Variants in DLG1 observed in about 807,000 individuals in gnomAD.
DLG1 encodes the protein discs large MAGUK scaffold protein 1, also known as disks large homolog 1.
In DLG1, 42 loss-of-function variants were observed where a neutral mutation model predicts 123.4. That is an observed-to-expected ratio of 0.34 (90% confidence interval 0.27 to 0.44). The LOEUF is 0.44. Ranked by LOEUF, DLG1 falls within the 20% of genes least tolerant of loss-of-function variation. DLG1 has a pLI of 1.00. For missense variants in DLG1, 942 were observed against 1,082.6 expected, an observed-to-expected ratio of 0.87 and a Z score of 1.82; for synonymous variants, 317 against 356.2, an observed-to-expected ratio of 0.89 and a Z score of 1.24.
chr3:197,159,686 C>T (rs535575916), intron 5 of DLG1, among the ~76,000 whole-genome samples: 1 of 152,260 alleles, frequency 6.6e-6, no homozygotes, highest in Non-Finnish European at 1.5e-5. Flanking sequence ...ACACATTGTA[C>T]TTCACTAATT....
rs141108244 is a variant in DLG1, at chr3:197,206,225, C to T, written c.319-11636G>A. Among the ~76,000 whole-genome samples, 340 of 152,238 alleles carry T rather than the reference C, an allele frequency of 2.2e-3. 3 individuals carry two copies. The highest frequency in any genetic ancestry group is 7.4e-3 in the African/African-American group (306 of 41,542). ...GACGTAAAGGGTCAAATGATTTCTA[C>T]GGATTCTTCTAAGATGGCATTTAAA... On this transcript the variant is annotated intron_variant, in intron 4 of 24. Transcript: ENST00000667157.
intron 4 of DLG1, among the ~76,000 whole-genome samples, chr3:197,266,444 C>CA (rs1332670460): frequency 6.6e-5 from 10 of 151,374 alleles, no homozygotes; most frequent in African/African-American, 2.4e-4. Context: ...CCATCTCTGC[C>CA]AAAAAATTAA....
intron 7 of DLG1, among the ~76,000 whole-genome samples, chr3:197,141,628 G>C (rs576229219): frequency 1.3e-5 from 2 of 152,258 alleles, no homozygotes; most frequent in East Asian, 3.9e-4. Context: ...AGTTACTTAA[G>C]AAATCTGCTT....
chr3:197,090,971 A>G lies in DLG1; in HGVS notation c.1602T>C (p.Ser534=). The G allele has an allele frequency of 6.2e-7, 1 of 1,612,614 alleles. No homozygotes were observed. Among genetic ancestry groups the G allele is most frequent in the Non-Finnish European group, 8.5e-7 (1 of 1,179,008 alleles). The change falls in exon 15 of 25, where the codon AGT becomes AGC. Residue 534 remains serine (S), a synonymous_variant. Transcript: ENST00000667157. ...IHDLREQMMN[S]SISSGSGSLR... ...GAGAACCTGACCCTGAACTAATACT[A>G]CTATTCATCATCTGCTCCCGTAAAT...
rs151073078 is a variant in DLG1, at chr3:197,074,345, T to C, written c.2005+2241A>G. 2.0e-5 allele frequency among the ~76,000 whole-genome samples: 3 copies of C among 152,198 alleles called. No individual in the cohort carries two copies. In the East Asian group the frequency reaches 5.8e-4, roughly 29 times the overall value. On this transcript the variant is annotated intron_variant, in intron 18 of 24. Coordinates refer to ENST00000667157, the MANE Select transcript of DLG1 (RefSeq NM_001366207.1). ...AACGTCGTCTGATAATCAGTTACCA[T>C]TTTTCATATTATTTCTCTTCCAAAG...
chr3:197,218,505 G>A (rs538683231), intron 4 of DLG1, among the ~76,000 whole-genome samples: 22 of 152,292 alleles, frequency 1.4e-4, no homozygotes, highest in African/African-American at 4.3e-4. Context: ...CTCTTGGACC[G>A]TAAGTCCAGG....
chr3:197,047,284 T>C (rs976364000), intron 24 of DLG1, among the ~76,000 whole-genome samples: 1 of 152,186 alleles, frequency 6.6e-6, no homozygotes, highest in South Asian at 2.1e-4. Flanking sequence ...TGAAACTTAC[T>C]CTCAAGTGTA....
At chr3:197,291,350 G>A (rs1271629159) in intron 3 of DLG1, among the ~76,000 whole-genome samples, 1 of 148,440 alleles carries the variant, frequency 6.7e-6, no homozygotes, top group Admixed American at 6.7e-5. Context: ...CAGTTAGCAA[G>A]AGACTAAAAT....
At chr3:197,065,529 T>C (rs2148882078) in intron 21 of DLG1, 81 bp from the exon 22 acceptor site, 1 of 1,283,158 alleles carries the variant, frequency 7.8e-7, no homozygotes, top group African/African-American at 1.5e-5. Flanking sequence ...TACATCGTTT[T>C]GTAAAGTTCA....
Position 197,297,701 on chromosome 3 carries a change from G to T in DLG1, c.-31-466C>A, listed in dbSNP as rs887239791. On this transcript the variant is annotated intron_variant, in intron 1 of 24. Transcript: ENST00000667157. ...TCTCCTTGCTCGCTGCCTCCGGGCT[G>T]CTCCAGCGGGGGCCGGACAGGGCAG... is the stretch of plus-strand genomic sequence containing the variant. 178 of 988,314 alleles carry T rather than the reference G, an allele frequency of 1.8e-4. 1 individual carries two copies. The African/African-American group carries it at 3.0e-3, about 16-fold the overall frequency. The allele number at this position is 988,314 out of a possible 1,614,324, so 61.2% of individuals were successfully genotyped here. A position where few individuals can be genotyped will look rare whatever the true frequency, so the allele number is the denominator to read the frequency against.
intron 4 of DLG1, among the ~76,000 whole-genome samples, chr3:197,268,650 T>A (rs968929507): frequency 6.6e-6 from 1 of 151,980 alleles, no homozygotes; most frequent in Admixed American, 6.6e-5. Flanking sequence ...ACTAAATTTA[T>A]AGAAAAATGT....
In DLG1 at chr3:197,066,749, G is replaced by T; in HGVS notation, c.2053C>A (p.Gln685Lys). Residue 685 changes from glutamine (Q) to lysine (K), a missense_variant, in exon 20 of 25, where the codon CAA becomes AAA. Coordinates refer to ENST00000667157, the MANE Select transcript of DLG1 (RefSeq NM_001366207.1). ...TCATAAGATAAGACGTATTCTTCTT[G>T]ACCACCTATTAGAAAGTGAAGGCAC... ...ASDSESSYRG[Q>K]EEYVLSYEPV... 6.3e-7 allele frequency: 1 copy of T among 1,599,174 alleles called. No homozygotes were observed. Among genetic ancestry groups the T allele is most frequent in the Non-Finnish European group, 8.6e-7 (1 of 1,169,388 alleles).
intron 4 of DLG1, among the ~76,000 whole-genome samples, chr3:197,269,573 C>A (rs1337999584): frequency 1.3e-5 from 2 of 152,160 alleles, no homozygotes; most frequent in Non-Finnish European, 2.9e-5. Context: ...AGTCTTGAAG[C>A]CTGAAGTTCT....
chr3:197,184,066 T>G lies in DLG1; in HGVS notation c.483+10359A>C, dbSNP rs1714269561. 4 of 1,245,742 alleles carry G rather than the reference T, an allele frequency of 3.2e-6. No homozygotes were observed. The African/African-American group carries it at 6.2e-5, about 19-fold the overall frequency. 77.2% of individuals were successfully genotyped at this position (1,245,742 alleles called of 1,614,324 possible). On this transcript the variant is annotated intron_variant, in intron 5 of 24. Transcript: ENST00000667157. ...CAAAAAAGACGACATAAGGTGGATT[T>G]CTTTCTCATGATTATTTTTTCACCA...
intron 5 of DLG1, among the ~76,000 whole-genome samples, chr3:197,185,545 A>G (rs548365087): frequency 8.5e-5 from 13 of 152,152 alleles, no homozygotes; most frequent in Non-Finnish European, 1.6e-4. Flanking sequence ...AGAAAATACT[A>G]AGGGCGGACA....
intron 4 of DLG1, among the ~76,000 whole-genome samples, chr3:197,268,740 CTCTT>C (rs1356298777): frequency 1.3e-5 from 2 of 151,934 alleles, no homozygotes; most frequent in Admixed American, 1.3e-4. Flanking sequence ...AACTTTTTGA[CTCTT>C]TCACCTTAAC....
intron 5 of DLG1, among the ~76,000 whole-genome samples, chr3:197,171,571 G>A (rs1430236806): frequency 1.3e-5 from 2 of 152,106 alleles, no homozygotes; most frequent in Non-Finnish European, 2.9e-5. Context: ...AGAAACATGA[G>A]TACAAGTGTG....
intron 5 of DLG1, among the ~76,000 whole-genome samples, chr3:197,187,903 G>A (rs1481656910): frequency 6.6e-6 from 1 of 151,942 alleles, no homozygotes; most frequent in Non-Finnish European, 1.5e-5. Flanking sequence ...CCCAACACTG[G>A]CAAGAAAGTA....
chr3:197,183,952 C>T, intron 5 of DLG1: 1 of 1,429,274 alleles, frequency 7.0e-7, no homozygotes, highest in Non-Finnish European at 9.1e-7. Context: ...AAATGATGCT[C>T]ATTTTCTCAG....
Sources: gnomAD v4.1 joint callset for allele counts (sites outside exome capture counted in the v4.1 genomes callset) on GRCh38, gnomAD v4.1.1 for gene constraint, MANE v1.5 for transcripts, NCBI Gene and HGNC (gene_info 2026-07-23, HGNC 2026-07-21) for gene names.